The following TNKS2 variants were observed in gnomAD, a reference collection of about 807,000 sequenced individuals.
The protein encoded by TNKS2 is tankyrase 2.
In TNKS2, 72 loss-of-function variants were observed where a neutral mutation model predicts 137.6. That is an observed-to-expected ratio of 0.52 (90% CI 0.43 to 0.64). The LOEUF (loss-of-function observed/expected upper bound fraction) is 0.64, where lower values mean the gene tolerates loss of function less well. Ranked by LOEUF, TNKS2 falls within the 30% of genes least tolerant of loss-of-function variation. The probability of loss-of-function intolerance (pLI) is 0.00; values close to 1 mark genes in which losing one functional copy is unlikely to be tolerated. For synonymous variants in TNKS2, 516 were observed against 512.1 expected (o/e 1.01, Z -0.10); for missense variants, 1,049 against 1,410.2 (o/e 0.74, Z 4.10).
At chr10:91,843,569 C>T (rs1842278155) in intron 16 of TNKS2, among the ~76,000 whole-genome samples, 1 of 152,140 alleles carries the variant, frequency 6.6e-6, no homozygotes, top group Non-Finnish European at 1.5e-5. Flanking sequence ...ATAAAACTGG[C>T]ACAGTGTACC....
chr10:91,845,984 T>C, intron 18 of TNKS2, 44 bp downstream of exon 18: 1 of 1,439,424 alleles, frequency 6.9e-7, no homozygotes, highest in Non-Finnish European at 9.3e-7. Flanking sequence ...TTTTCTGACT[T>C]GTTAAAATTC....
At chr10:91,814,544 T>C (rs1471962423) in intron 2 of TNKS2, among the ~76,000 whole-genome samples, 3 of 152,188 alleles carry the variant, frequency 2.0e-5, no homozygotes, top group Non-Finnish European at 4.4e-5. Flanking sequence ...CACTCATCAC[T>C]CACTCACTGA....
At chr10:91,820,667 A>G (rs554314291) in intron 6 of TNKS2, among the ~76,000 whole-genome samples, 1 of 152,328 alleles carries the variant, frequency 6.6e-6, no homozygotes, top group East Asian at 1.9e-4. Context: ...GATTATTCTA[A>G]AAGAAGTTTT....
At chr10:91,821,477 A>G (rs982534334) in intron 6 of TNKS2, among the ~76,000 whole-genome samples, 3 of 152,186 alleles carry the variant, frequency 2.0e-5, no homozygotes, top group Non-Finnish European at 4.4e-5. Context: ...GAGAGGACTC[A>G]TAGAACTAAA....
At position 91,833,853 on chromosome 10, in the gene TNKS2, G is replaced by T; in HGVS notation, c.1276G>T (p.Val426Phe). Residue 426 changes from valine to phenylalanine, a missense_variant and splice_region_variant, in exon 12 of 27, where the codon GTT (valine) becomes TTT (phenylalanine). Physicochemically the swap from Val to Phe is conservative, Grantham distance 50 (BLOSUM62 -1). This residue lies in a region of TNKS2 where 328 missense variants were observed against 436.0 expected (regional missense o/e 0.75). Coordinates refer to ENST00000371627, the MANE Select transcript of TNKS2 (RefSeq NM_025235.4). ...VEVVVKHEAK[V>F]NALDNLGQTS... ...TTTCAATTTTTTCTGCTTTGTTAAG[G>T]TTAATGCTCTGGATAATCTTGGTCA... The T allele has an allele frequency of 6.3e-7, 1 of 1,587,666 alleles. No individual in the cohort carries two copies.
At chr10:91,811,832 G>T (rs1457588881) in intron 1 of TNKS2, among the ~76,000 whole-genome samples, 1 of 152,136 alleles carries the variant, frequency 6.6e-6, no homozygotes, top group Non-Finnish European at 1.5e-5. Context: ...GACCAAGGCG[G>T]GTGGATCATG....
At chr10:91,800,996 G>T (rs1297789039) in intron 1 of TNKS2, among the ~76,000 whole-genome samples, 2 of 152,194 alleles carry the variant, frequency 1.3e-5, no homozygotes, top group Admixed American at 6.5e-5. Flanking sequence ...GCAGTTTCTT[G>T]TGTTTGTACT....
intron 2 of TNKS2, among the ~76,000 whole-genome samples, chr10:91,816,458 C>T (rs1396309448): frequency 2.6e-5 from 4 of 152,150 alleles, no homozygotes; most frequent in Non-Finnish European, 4.4e-5. Context: ...ATTTGCACCT[C>T]GGTTTCAATG....
At chr10:91,804,551 T>G (rs541023664) in intron 1 of TNKS2, among the ~76,000 whole-genome samples, 13 of 152,204 alleles carry the variant, frequency 8.5e-5, no homozygotes, top group Non-Finnish European at 1.6e-4. Context: ...AAAGAGATCC[T>G]TAGAATATGG....
At position 91,841,461 on chromosome 10, in the gene TNKS2, A is replaced by G; in HGVS notation, c.1839+13A>G. On this transcript the variant is annotated intron_variant, in intron 15 of 26. Coordinates refer to ENST00000371627, the MANE Select transcript of TNKS2 (RefSeq NM_025235.4). ...ACTTCTGCTCCAGGTATATTTAAAT[A>G]CTTAACTGTAAAGAGTATGAATTAC... 6.3e-7 allele frequency: 1 copy of G among 1,584,000 alleles called. No individual in the cohort carries two copies. Among genetic ancestry groups the G allele is most frequent in the Non-Finnish European group, 8.6e-7 (1 of 1,166,388 alleles).
intron 1 of TNKS2, among the ~76,000 whole-genome samples, chr10:91,799,913 C>T (rs12782935): frequency 0.33 from 49,574 of 152,052 alleles, 8,600 homozygotes; most frequent in South Asian, 0.53. Context: ...TTTTAAAGTA[C>T]TCCTGTTCTT....
intron 2 of TNKS2, among the ~76,000 whole-genome samples, chr10:91,816,608 T>C (rs920882545): frequency 6.6e-6 from 1 of 152,164 alleles, no homozygotes; most frequent in Non-Finnish European, 1.5e-5. Context: ...ACTGATGACC[T>C]TACAGAATTT....
intron 1 of TNKS2, among the ~76,000 whole-genome samples, chr10:91,808,211 G>A (rs1331479406): frequency 6.6e-6 from 1 of 151,724 alleles, no homozygotes; most frequent in Non-Finnish European, 1.5e-5. Context: ...GTCAGGGATA[G>A]CCTTCTTAAG....
Position 91,862,171 on chromosome 10 carries a change from T to G in TNKS2, c.3438+16T>G. On this transcript the variant is annotated intron_variant, in intron 26 of 26. Transcript: ENST00000371627. ...AGGAGAACAGGTAATGTAGTTTTAT[T>G]TGTTCATCTTCAAAAATGCTAGGGA... 6.4e-7 allele frequency: 1 copy of G among 1,556,208 alleles called. No individual in the cohort carries two copies. The highest frequency in any genetic ancestry group is 1.4e-5 in the African/African-American group (1 of 72,420).
At position 91,863,467 on chromosome 10, in the gene TNKS2, A is replaced by C. The variant is rs1214482453; in HGVS notation, c.*468A>C. 3 of 152,754 alleles carry C rather than the reference A, an allele frequency of 2.0e-5. No homozygotes were observed. The highest frequency in any genetic ancestry group is 2.0e-4 in the Admixed American group (3 of 15,286). 9.5% of individuals were successfully genotyped at this position (152,754 alleles called of 1,614,324 possible). A position where few individuals can be genotyped will look rare whatever the true frequency, so the allele number is the denominator to read the frequency against. ...GCTTTGTAATATAAATCTGTTTTAG[A>C]ACTGCAGCGGTTTACAAAATTTTTT... is the stretch of plus-strand genomic sequence containing the variant. On this transcript the variant is annotated 3_prime_UTR_variant, in exon 27 of 27. Coordinates refer to ENST00000371627, the MANE Select transcript of TNKS2 (RefSeq NM_025235.4).
rs372097848 is a variant in TNKS2, at chr10:91,848,527, C to G, written c.2503C>G (p.Leu835Val). The G allele has an allele frequency of 6.2e-7, 1 of 1,614,038 alleles. No individual in the cohort carries two copies. Among genetic ancestry groups the G allele is most frequent in the African/African-American group, 1.3e-5 (1 of 74,920 alleles). ...TTCAGGTCCATCTAGCCCATCAAGCCTTTCTGCAGCCAGCAGTCTTGACAA... is the reference window on the plus strand; with the variant it reads ...TTCAGGTCCATCTAGCCCATCAAGCGTTTCTGCAGCCAGCAGTCTTGACAA... Reference protein sequence around the residue: ...LSSGPSSPSSLSAASSLDNLS... With the variant: ...LSSGPSSPSSVSAASSLDNLS... Residue 835 changes from leucine to valine, a missense_variant, in exon 19 of 27, where the codon CTT becomes GTT. Physicochemically the swap from Leu to Val is conservative, Grantham distance 32. Coordinates refer to ENST00000371627, the MANE Select transcript of TNKS2 (RefSeq NM_025235.4).
intron 8 of TNKS2, among the ~76,000 whole-genome samples, chr10:91,827,790 G>A (rs1262117843): frequency 1.3e-5 from 2 of 152,174 alleles, no homozygotes; most frequent in African/African-American, 4.8e-5. Context: ...AGAATCTTAA[G>A]GAAAACCTCT....
chr10:91,842,852 G>A (rs1430035952), intron 16 of TNKS2, among the ~76,000 whole-genome samples: 2 of 152,128 alleles, frequency 1.3e-5, no homozygotes, highest in Non-Finnish European at 2.9e-5. Context: ...CAGGACGACC[G>A]TACTTGAAGC....
chr10:91,842,365 G>A lies in TNKS2; in HGVS notation c.2033G>A (p.Arg678Lys), dbSNP rs1420514306. 6.2e-7 allele frequency: 1 copy of A among 1,614,054 alleles called. No homozygotes were observed. Among genetic ancestry groups the A allele is most frequent in the South Asian group, 1.1e-5 (1 of 91,070 alleles). The change falls in exon 16 of 27, where the codon AGA becomes AAA. Residue 678 changes from arginine to lysine, a missense_variant. Transcript: ENST00000371627. ...GTAAATTGCCGCGATACCCAAGGCA[G>A]ACATTCAACACCTTTACATTTAGCA... ...DNVNCRDTQG[R>K]HSTPLHLAAG...
Sources: allele counts gnomAD v4.1 joint callset (sites outside exome capture counted in the v4.1 genomes callset), GRCh38; gene constraint gnomAD v4.1.1; regional missense constraint gnomAD v4.1.1; transcripts MANE v1.5; gene names NCBI Gene and HGNC (gene_info 2026-07-23, HGNC 2026-07-21).